The following ODF2 variants were observed in gnomAD, a reference collection of about 807,000 sequenced individuals.
The protein encoded by ODF2 is outer dense fiber of sperm tails 2, also known as outer dense fiber protein 2.
ODF2 carries 47 observed loss-of-function variants against 110.2 expected under a neutral mutation model. The observed-to-expected ratio is 0.43, with a 90% CI of 0.34 to 0.54. The LOEUF (loss-of-function observed/expected upper bound fraction) is 0.54, where lower values mean the gene tolerates loss of function less well. Among genes scored for constraint, ODF2 ranks in the 20% least tolerant of loss-of-function variants. ODF2 has a pLI of 0.03. For missense variants in ODF2, 812 were observed against 1,054.5 expected, an observed-to-expected ratio of 0.77 and a Z score of 3.19; for synonymous variants, 352 against 397.7, an observed-to-expected ratio of 0.89 and a Z score of 1.37.
At chr9:128,458,612 T>C (rs1347350556) in intron 2 of ODF2, among the ~76,000 whole-genome samples, 1 of 151,470 alleles carries the variant, frequency 6.6e-6, no homozygotes, top group East Asian at 1.9e-4. Flanking sequence ...TTGGCTGTCT[T>C]TGCAGATCTG....
chr9:128,472,050 G>A (rs1380385528), intron 6 of ODF2, among the ~76,000 whole-genome samples: 1 of 152,190 alleles, frequency 6.6e-6, no homozygotes, highest in Admixed American at 6.5e-5. Context: ...GGGAGCCAAG[G>A]CGGGCAAATC....
intron 8 of ODF2, among the ~76,000 whole-genome samples, chr9:128,475,571 C>T (rs556663492): frequency 2.6e-5 from 4 of 152,228 alleles, no homozygotes; most frequent in African/African-American, 9.6e-5. Context: ...AATCTTATAT[C>T]CTTGACCAAT....
chr9:128,488,222 C>T (rs1029924108), intron 14 of ODF2, among the ~76,000 whole-genome samples, 197 bp downstream of exon 14: 3 of 152,078 alleles, frequency 2.0e-5, no homozygotes, highest in Non-Finnish European at 4.4e-5. Context: ...GAGCCTAGTT[C>T]GAGACCAGCC....
intron 3 of ODF2, 25 bp downstream of exon 3, chr9:128,460,691 G>GA (rs752949350): frequency 6.2e-7 from 1 of 1,613,332 alleles, no homozygotes. Flanking sequence ...GTGGGGCGAG[G>GA]TAGTAGCTGT....
At chr9:128,467,160 T>G (rs1167425052) in intron 4 of ODF2, among the ~76,000 whole-genome samples, 1 of 149,138 alleles carries the variant, frequency 6.7e-6, no homozygotes, top group Admixed American at 6.8e-5. Context: ...AAACCGAGAT[T>G]GGTAAAGCCT....
At chr9:128,497,439 AAAAAAAAATATATATAT>A (rs1202094240) in intron 18 of ODF2, 2 of 95,706 alleles carry the variant, frequency 2.1e-5, no homozygotes, top group Non-Finnish European at 3.7e-5. Flanking sequence ...AAAAAAAAAA[AAAAAAAAATATATATAT>A]ATATATATAT....
chr9:128,467,869 C>T (rs1838691858), intron 4 of ODF2, among the ~76,000 whole-genome samples: 2 of 151,726 alleles, frequency 1.3e-5, no homozygotes, highest in African/African-American at 2.4e-5. Flanking sequence ...GCTACCACGC[C>T]CGGCTAATTT....
chr9:128,484,942 G>A, intron 12 of ODF2, 56 bp downstream of exon 12: 9 of 1,576,374 alleles, frequency 5.7e-6, no homozygotes, highest in Non-Finnish European at 6.9e-6. Flanking sequence ...CTGGGTGATG[G>A]CAGAGGGGTG....
intron 13 of ODF2, 80 bp from the exon 14 acceptor site, chr9:128,487,802 AAAACACAC>A: frequency 8.2e-7 from 1 of 1,225,048 alleles, no homozygotes; most frequent in East Asian, 2.7e-5. Context: ...ACAAACAAAC[AAAACACAC>A]ACACACACAC....
chr9:128,469,499 C>T (rs1159359324), intron 5 of ODF2, 146 bp downstream of exon 5: 15 of 759,766 alleles, frequency 2.0e-5, no homozygotes, highest in African/African-American at 7.0e-5. Context: ...TTGCCTGCCC[C>T]GGGAGGTAGC....
At chr9:128,482,958 C>G (rs1342246636) in intron 10 of ODF2, 71 bp downstream of exon 10, 2 of 1,200,800 alleles carry the variant, frequency 1.7e-6, no homozygotes, top group Non-Finnish European at 1.2e-6. Flanking sequence ...TGCAATGGCG[C>G]GATCTCAGCT....
At chr9:128,467,057 A>ATG (rs1588771360) in intron 4 of ODF2, among the ~76,000 whole-genome samples, 4 of 109,310 alleles carry the variant, frequency 3.7e-5, no homozygotes, top group East Asian at 5.5e-4. Context: ...ATATATATAT[A>ATG]GTCATATATC....
chr9:128,461,261 C>CT, intron 4 of ODF2, 194 bp downstream of exon 4: 1 of 672,610 alleles, frequency 1.5e-6, no homozygotes, highest in Non-Finnish European at 2.4e-6. Context: ...GGAAGTCCTG[C>CT]TGTCCAAAGG....
chr9:128,469,310 A>C (rs760399777), exon 5 of ODF2: 1 of 1,614,192 alleles, frequency 6.2e-7, no homozygotes, highest in Non-Finnish European at 8.5e-7. Context: ...TATGATAAGA[A>C]GATTGATAGT....
chr9:128,498,108 A>G, intron 18 of ODF2: 1 of 217,976 alleles, frequency 4.6e-6, no homozygotes, highest in Admixed American at 5.8e-5. Context: ...AAGTGGGGAT[A>G]ATAATGGTAC....
Position 128,498,654 on chromosome 9 carries a change from A to G in ODF2, c.2175+79A>G, listed in dbSNP as rs1312532900. The G allele has an allele frequency of 1.1e-5, 9 of 814,750 alleles. No homozygotes were observed. In the East Asian group the frequency reaches 2.4e-4, roughly 22 times the overall value. 50.5% of individuals were successfully genotyped at this position (814,750 alleles called of 1,614,324 possible). ...AACTCTCAGCTTATTTCTCCATCTG[A>G]AAAATGGGCACACAGTAGTACCCGC... On this transcript the variant is annotated intron_variant, in intron 19 of 20. Coordinates refer to ENST00000604420, the Ensembl canonical transcript of ODF2.
intron 18 of ODF2, chr9:128,497,436 A>AT (rs1845736104): frequency 1.0e-5 from 1 of 97,586 alleles, no homozygotes; most frequent in Non-Finnish European, 1.9e-5. Flanking sequence ...AAAAAAAAAA[A>AT]AAAAAAAAAA....
chr9:128,483,398 C>A (rs541768989), intron 10 of ODF2, among the ~76,000 whole-genome samples: 5 of 151,910 alleles, frequency 3.3e-5, no homozygotes, highest in Non-Finnish European at 7.4e-5. Flanking sequence ...CACAGGGAGA[C>A]CCCATCTCTA....
chr9:128,455,970 T>G (rs1031762878), upstream of ODF2: 1 of 1,411,012 alleles, frequency 7.1e-7, no homozygotes, highest in Non-Finnish European at 9.2e-7. Flanking sequence ...GTCTCCTTGG[T>G]GACGGGACGC....
Sources: gnomAD v4.1 joint callset for allele counts (sites outside exome capture counted in the v4.1 genomes callset) on GRCh38, gnomAD v4.1.1 for gene constraint, MANE v1.5 for transcripts, NCBI Gene and HGNC (gene_info 2026-07-23, HGNC 2026-07-21) for gene names.